Variants in KCNK12 observed in about 807,000 individuals in gnomAD.
The protein encoded by KCNK12 is potassium channel subfamily K member 12.
A neutral mutation model predicts 25.3 loss-of-function variants in KCNK12; 6 were observed. The observed-to-expected ratio is 0.24, with a 90% CI of 0.13 to 0.47. The LOEUF is 0.47. Among genes scored for constraint, KCNK12 ranks in the 20% least tolerant of loss-of-function variants. KCNK12 has a pLI of 0.99. For synonymous variants in KCNK12, 331 were observed against 311.1 expected (o/e 1.06, Z -0.67); for missense variants, 444 against 661.7 (o/e 0.67, Z 3.61).
chr2:47,555,656 C>T lies in KCNK12; in HGVS notation c.391+14285G>A, dbSNP rs1434079025. Among the ~76,000 whole-genome samples the T allele has an allele frequency of 6.6e-6, 1 of 152,182 alleles. No homozygotes were observed. The highest frequency in any genetic ancestry group is 1.5e-5 in the Non-Finnish European group (1 of 68,032). On this transcript the variant is annotated intron_variant, in intron 1 of 1. Transcript: ENST00000327876. This position sits in a 1 kb window ranked among gnomAD's most constrained non-coding sequence, Gnocchi z 4.5. Reference sequence around the variant, plus strand: ...GCCTCCATATGTATATGCAATAAATCTTTTCTCCTATTAATCTGTCTTTTA... The same window carrying T: ...GCCTCCATATGTATATGCAATAAATTTTTTCTCCTATTAATCTGTCTTTTA...
At chr2:47,531,161 T>C (rs1668916907) in intron 1 of KCNK12, among the ~76,000 whole-genome samples, 1 of 152,052 alleles carries the variant, frequency 6.6e-6, no homozygotes, top group Non-Finnish European at 1.5e-5. Context: ...GAAGAAGAGA[T>C]ATTTGTGTTC....
intron 1 of KCNK12, among the ~76,000 whole-genome samples, chr2:47,544,184 T>A (rs577552195): frequency 5.9e-5 from 9 of 152,330 alleles, no homozygotes; most frequent in African/African-American, 2.2e-4. Context: ...GAGCATCTTG[T>A]ACTACCCTGT....
rs1000263159 is a variant in KCNK12 at position 47,528,868 on chromosome 2, C to T, written c.392-7060G>A. 6.6e-6 allele frequency among the ~76,000 whole-genome samples: 1 copy of T among 152,166 alleles called. No individual in the cohort carries two copies. The highest frequency in any genetic ancestry group is 2.4e-5 in the African/African-American group (1 of 41,438). ...GAGGCCAGCACTGATCTGTATCGTG[C>T]AGCCCTGGGCGGCAGCCTCGGTTGG... On this transcript the variant is annotated intron_variant, in intron 1 of 1. Transcript: ENST00000327876. This position sits in a 1 kb window ranked among gnomAD's most constrained non-coding sequence, Gnocchi z 4.5.
At position 47,560,972 on chromosome 2, in the gene KCNK12, TGGGGTGCAGG is replaced by T. The variant is rs1669657352; in HGVS notation, c.391+8959_391+8968del. Among the ~76,000 whole-genome samples, 1 of 152,158 alleles carries T rather than the reference TGGGGTGCAGG, an allele frequency of 6.6e-6. No homozygotes were observed. On this transcript the variant is annotated intron_variant, in intron 1 of 1. Transcript: ENST00000327876. The surrounding 1 kb of genome is among the most constrained non-coding windows in gnomAD (Gnocchi z 4.7). ...ACCCACCAGGGAGTCATGGTAGCCC[TGGGGTGCAGG>T]GAGCAGCAGCCTGGCACCCACACAT...
chr2:47,521,373 T>C lies in KCNK12; in HGVS notation c.827A>G (p.Tyr276Cys), dbSNP rs1399016750. 1 of 1,613,558 alleles carries C rather than the reference T, an allele frequency of 6.2e-7. No individual in the cohort carries two copies. Among genetic ancestry groups the C allele is most frequent in the Non-Finnish European group, 8.5e-7 (1 of 1,179,816 alleles). Reference sequence around the variant, plus strand: ...GATGAAGAGGAAGTTGCCCAGGCGGTAGAGCCCCTGGTTCCGGTAGGCGGC... The same window carrying C: ...GATGAAGAGGAAGTTGCCCAGGCGGCAGAGCCCCTGGTTCCGGTAGGCGGC... ...QHAAYRNQGL[Y>C]RLGNFLFILL... Residue 276 changes from tyrosine (Y) to cysteine (C), a missense_variant, in exon 2 of 2, where the codon TAC becomes TGC. Tyr to Cys is a radical substitution (Grantham distance 194). Around this residue, in one of 8 missense-constraint regions of KCNK12, gnomAD observed 56 missense variants for 135.7 expected, o/e 0.41. Coordinates refer to ENST00000327876, the MANE Select transcript of KCNK12 (RefSeq NM_022055.2).
rs1433111781 is a variant in KCNK12, at chr2:47,513,460, T to C, written c.*7447A>G. Among the ~76,000 whole-genome samples, 4 of 152,334 alleles carry C rather than the reference T, an allele frequency of 2.6e-5. No homozygotes were observed. The highest frequency in any genetic ancestry group is 9.6e-5 in the African/African-American group (4 of 41,574). ...ACCCTCTTTCCTTAGTCTTTTTTCT[T>C]CTTCCTCCTGTCCCTTAAATGCTGG... On this transcript the variant is annotated 3_prime_UTR_variant, in exon 2 of 2. Coordinates refer to ENST00000327876, the MANE Select transcript of KCNK12 (RefSeq NM_022055.2).
rs920466550 is a variant in KCNK12 at position 47,551,792 on chromosome 2, G to A, written c.391+18149C>T. ...GTTTAAGATTCAGTTCTAGCCACAG[G>A]CTGCACTGTGCATAAATCTAGGGGA... is the stretch of plus-strand genomic sequence containing the variant. On this transcript the variant is annotated intron_variant, in intron 1 of 1. Coordinates refer to ENST00000327876, the MANE Select transcript of KCNK12 (RefSeq NM_022055.2). This position sits in a 1 kb window ranked among gnomAD's most constrained non-coding sequence, Gnocchi z 5.3. Among the ~76,000 whole-genome samples the A allele has an allele frequency of 1.3e-5, 2 of 152,198 alleles. No individual in the cohort carries two copies. The highest frequency in any genetic ancestry group is 1.3e-4 in the Admixed American group (2 of 15,276).
In KCNK12 at chr2:47,515,792, G is replaced by A. The variant is rs1361599702; in HGVS notation, c.*5115C>T. Among the ~76,000 whole-genome samples the A allele has an allele frequency of 1.3e-5, 2 of 152,198 alleles. No individual in the cohort carries two copies. The highest frequency in any genetic ancestry group is 2.9e-5 in the Non-Finnish European group (2 of 68,034). ...AGAGTTTGCACTATTATTAGGGCAA[G>A]TAAGCTGCTTCTGAAAAGAAGGGGT... On this transcript the variant is annotated 3_prime_UTR_variant, in exon 2 of 2. Coordinates refer to ENST00000327876, the MANE Select transcript of KCNK12 (RefSeq NM_022055.2).
chr2:47,569,843 G>T lies in KCNK12; in HGVS notation c.391+98C>A. 3 of 1,006,500 alleles carry T rather than the reference G, an allele frequency of 3.0e-6. No homozygotes were observed. Among genetic ancestry groups the T allele is most frequent in the Non-Finnish European group, 3.9e-6 (3 of 763,624 alleles). 62.3% of individuals were successfully genotyped at this position (1,006,500 alleles called of 1,614,324 possible). A position where few individuals can be genotyped will look rare whatever the true frequency, so the allele number is the denominator to read the frequency against. On this transcript the variant is annotated intron_variant, in intron 1 of 1. Transcript: ENST00000327876. This position sits in a 1 kb window ranked among gnomAD's most constrained non-coding sequence, Gnocchi z 4.1. ...TAAGCAAAGGGACATTAGAAGGGAA[G>T]GCAGAGCCGAGGGACGCGGACCGAG...
rs1173797511 is a variant in KCNK12 at position 47,533,700 on chromosome 2, A to G, written c.392-11892T>C. 1.3e-5 allele frequency among the ~76,000 whole-genome samples: 2 copies of G among 152,058 alleles called. No individual in the cohort carries two copies. The highest frequency in any genetic ancestry group is 1.9e-4 in the East Asian group (1 of 5,188). ...ACCATCTTTTCCAGTCCCCAAAGTG[A>G]GAGTGTGTGTGTGTGGGAGAGATAT... On this transcript the variant is annotated intron_variant, in intron 1 of 1. Transcript: ENST00000327876. This position sits in a 1 kb window ranked among gnomAD's most constrained non-coding sequence, Gnocchi z 4.7.
chr2:47,553,936 AG>A, intron 1 of KCNK12, among the ~76,000 whole-genome samples: 1 of 152,338 alleles, frequency 6.6e-6, no homozygotes, highest in South Asian at 2.1e-4. Context: ...AACTCAGCTC[AG>A]GGTTTAGCTT....
chr2:47,523,213 G>T (rs1257104339), intron 1 of KCNK12, among the ~76,000 whole-genome samples: 1 of 152,236 alleles, frequency 6.6e-6, no homozygotes, highest in South Asian at 2.1e-4. Flanking sequence ...GGACCAGGTA[G>T]AGTGTAACCA....
In KCNK12 at chr2:47,533,452, AT is replaced by A. The variant is rs1384008091; in HGVS notation, c.392-11645del. On this transcript the variant is annotated intron_variant, in intron 1 of 1. Transcript: ENST00000327876. The surrounding 1 kb of genome is among the most constrained non-coding windows in gnomAD (Gnocchi z 4.7). ...GCACGATGGGTGAGGCATGGACCTTATTTCACAGCAAAGTGGCTCAGGTGAG... is the reference window on the plus strand; with the variant it reads ...GCACGATGGGTGAGGCATGGACCTTATTCACAGCAAAGTGGCTCAGGTGAG... Among the ~76,000 whole-genome samples the A allele has an allele frequency of 1.3e-5, 2 of 152,210 alleles. No homozygotes were observed. Among genetic ancestry groups the A allele is most frequent in the Non-Finnish European group, 2.9e-5 (2 of 68,038 alleles).
intron 1 of KCNK12, 78 bp from the exon 2 acceptor site, chr2:47,521,886 G>GGC: frequency 9.3e-7 from 1 of 1,079,382 alleles, no homozygotes; most frequent in Non-Finnish European, 1.3e-6. Context: ...GGGTGTGGGG[G>GGC]CGGGGGCATG....
In KCNK12 at chr2:47,540,366, G is replaced by T. The variant is rs1669171697; in HGVS notation, c.392-18558C>A. Among the ~76,000 whole-genome samples the T allele has an allele frequency of 6.6e-6, 1 of 152,202 alleles. No individual in the cohort carries two copies. Among genetic ancestry groups the T allele is most frequent in the South Asian group, 2.1e-4 (1 of 4,828 alleles). ...AGTGTCCGGCCTGGGACGTGAGAGG[G>T]CATGGGCTCACCTGCTCAGGGTTTG... On this transcript the variant is annotated intron_variant, in intron 1 of 1. Coordinates refer to ENST00000327876, the MANE Select transcript of KCNK12 (RefSeq NM_022055.2). The surrounding 1 kb of genome is among the most constrained non-coding windows in gnomAD (Gnocchi z 5.4).
chr2:47,570,256 A>G lies in KCNK12; in HGVS notation c.76T>C (p.Cys26Arg). 2 of 1,435,496 alleles carry G rather than the reference A, an allele frequency of 1.4e-6. No individual in the cohort carries two copies. The highest frequency in any genetic ancestry group is 9.1e-7 in the Non-Finnish European group (1 of 1,094,490). 88.9% of individuals were successfully genotyped at this position (1,435,496 alleles called of 1,614,324 possible). ...RLPRPSCCCC[C>R]CRRSHLNEDT... is the part of the protein sequence containing the mutation. The stretch of plus-strand genomic sequence containing the variant: ...TCGTTGAGGTGCGAACGGCGGCAGC[A>G]GCAGCAGCAGCAGGAGGGGCGCGGC... Residue 26 changes from cysteine to arginine, a missense_variant, in exon 1 of 2, where the codon TGC becomes CGC. This residue lies in a region of KCNK12 where 67 missense variants were observed against 59.2 expected (regional missense o/e 1.13). Transcript: ENST00000327876.
Position 47,540,208 on chromosome 2 carries a change from C to T in KCNK12, c.392-18400G>A, listed in dbSNP as rs1166897194. Among the ~76,000 whole-genome samples, 3 of 152,216 alleles carry T rather than the reference C, an allele frequency of 2.0e-5. No homozygotes were observed. Among genetic ancestry groups the T allele is most frequent in the Non-Finnish European group, 2.9e-5 (2 of 68,048 alleles). On this transcript the variant is annotated intron_variant, in intron 1 of 1. Coordinates refer to ENST00000327876, the MANE Select transcript of KCNK12 (RefSeq NM_022055.2). This position sits in a 1 kb window ranked among gnomAD's most constrained non-coding sequence, Gnocchi z 5.4. ...AGAAGGCCTCACCGGGCAGACCTATCTTGGAGAAGATACAAGCAATGGTGC... is the reference window on the plus strand; with the variant it reads ...AGAAGGCCTCACCGGGCAGACCTATTTTGGAGAAGATACAAGCAATGGTGC...
rs1489558016 is a variant in KCNK12, at chr2:47,570,794, C to T, written c.-463G>A. ...GCGGCAGCAAGGCGTGGAGAGAGCCCCCGGGGGCGTCCCATGAGGCGTTCG... is the reference window on the plus strand; with the variant it reads ...GCGGCAGCAAGGCGTGGAGAGAGCCTCCGGGGGCGTCCCATGAGGCGTTCG... On this transcript the variant is annotated 5_prime_UTR_variant, in exon 1 of 2. Coordinates refer to ENST00000327876, the MANE Select transcript of KCNK12 (RefSeq NM_022055.2). 1 of 152,384 alleles carries T rather than the reference C, an allele frequency of 6.6e-6. No homozygotes were observed. The highest frequency in any genetic ancestry group is 1.5e-5 in the Non-Finnish European group (1 of 68,226). 9.4% of individuals were successfully genotyped at this position (152,384 alleles called of 1,614,324 possible). A position where few individuals can be genotyped will look rare whatever the true frequency, so the allele number is the denominator to read the frequency against.
Position 47,521,237 on chromosome 2 carries a change from G to A in KCNK12, c.963C>T (p.Cys321=), listed in dbSNP as rs768603857. ...RKLSCRCCAR[C]CPAPGAPLAR... ...CCAGGGGCGCGCCAGGAGCCGGGCA[G>A]CAGCGCGCGCAGCAGCGGCAGCTCA... The change falls in exon 2 of 2, where the codon TGC becomes TGT. Residue 321 remains cysteine, a synonymous_variant. Transcript: ENST00000327876. 1 of 1,603,550 alleles carries A rather than the reference G, an allele frequency of 6.2e-7. No homozygotes were observed.
Sources: allele counts gnomAD v4.1 joint callset (sites outside exome capture counted in the v4.1 genomes callset), GRCh38; gene constraint gnomAD v4.1.1; regional missense constraint gnomAD v4.1.1; non-coding constraint Gnocchi (gnomAD v3.1); transcripts MANE v1.5; gene names NCBI Gene and HGNC (gene_info 2026-07-23, HGNC 2026-07-21).